The following KCND2 variants were observed in gnomAD, a reference collection of about 807,000 sequenced individuals.
KCND2 encodes potassium voltage-gated channel subfamily D member 2, also known as A-type voltage-gated potassium channel KCND2.
Under a neutral mutation model 54.4 loss-of-function variants are expected in KCND2, and 16 were observed. The observed-to-expected ratio is 0.29, with a 90% CI of 0.20 to 0.45. KCND2 has a LOEUF of 0.45. KCND2 is among the 20% of genes least tolerant of loss of function. The pLI is 1.00. For missense variants in KCND2, 486 were observed against 824.2 expected (o/e 0.59, Z 5.02); for synonymous variants, 317 against 310.7 (o/e 1.02, Z -0.21).
chr7:120,570,599 G>A (rs1259585158), intron 1 of KCND2, among the ~76,000 whole-genome samples: 2 of 151,966 alleles, frequency 1.3e-5, no homozygotes, highest in African/African-American at 4.8e-5. Context: ...CTCTCTCAAT[G>A]GCAATTAATT....
intron 1 of KCND2, among the ~76,000 whole-genome samples, chr7:120,663,805 T>C (rs866641026): frequency 2.0e-5 from 3 of 152,312 alleles, no homozygotes; most frequent in East Asian, 1.9e-4. Flanking sequence ...CCACGATATT[T>C]CCCAACATTC....
At chr7:120,373,039 A>G (rs1004418665) in intron 1 of KCND2, among the ~76,000 whole-genome samples, 10 of 151,844 alleles carry the variant, frequency 6.6e-5, no homozygotes, top group Admixed American at 5.9e-4. Flanking sequence ...GGAAAATGAT[A>G]CCTTTCAGTG....
At chr7:120,602,327 G>A (rs1449374721) in intron 1 of KCND2, among the ~76,000 whole-genome samples, 1 of 152,094 alleles carries the variant, frequency 6.6e-6, no homozygotes, top group Admixed American at 6.5e-5. Flanking sequence ...TTTTCCACAA[G>A]TGCACCACTG....
intron 1 of KCND2, among the ~76,000 whole-genome samples, chr7:120,338,229 G>T (rs772586195): frequency 6.6e-6 from 1 of 152,026 alleles, no homozygotes; most frequent in Non-Finnish European, 1.5e-5. Flanking sequence ...ACTAAAATAT[G>T]AAAAACCTTT....
At chr7:120,419,766 A>C (rs1725675474) in intron 1 of KCND2, among the ~76,000 whole-genome samples, 2 of 152,080 alleles carry the variant, frequency 1.3e-5, no homozygotes, top group African/African-American at 4.8e-5. Flanking sequence ...AAAGATAAAA[A>C]CCAAAAACAC....
At chr7:120,497,417 C>A (rs1238734494) in intron 1 of KCND2, among the ~76,000 whole-genome samples, 2 of 152,154 alleles carry the variant, frequency 1.3e-5, no homozygotes, top group African/African-American at 4.8e-5. Context: ...GAGGTGAGTC[C>A]TTGGAACATT....
At chr7:120,302,113 CTAGT>C in intron 1 of KCND2, among the ~76,000 whole-genome samples, 1 of 152,180 alleles carries the variant, frequency 6.6e-6, no homozygotes, top group East Asian at 1.9e-4. Context: ...AGATCTTTAC[CTAGT>C]TAATTCATCC....
chr7:120,739,131 T>G (rs1219951565), intron 2 of KCND2, among the ~76,000 whole-genome samples: 2 of 151,992 alleles, frequency 1.3e-5, no homozygotes, highest in Admixed American at 6.6e-5. Flanking sequence ...ATATATGTCA[T>G]TTTATTTTGC....
At chr7:120,678,485 A>G (rs1488701261) in intron 1 of KCND2, among the ~76,000 whole-genome samples, 1 of 147,588 alleles carries the variant, frequency 6.8e-6, no homozygotes, top group Admixed American at 6.8e-5. Context: ...ACATACATAC[A>G]CATAAATATA....
At chr7:120,694,033 G>A (rs918896830) in intron 1 of KCND2, among the ~76,000 whole-genome samples, 1 of 152,198 alleles carries the variant, frequency 6.6e-6, no homozygotes, top group African/African-American at 2.4e-5. Context: ...AGTTGAGGCT[G>A]CAGTCAGCTG....
At chr7:120,610,147 G>T (rs1792934731) in intron 1 of KCND2, among the ~76,000 whole-genome samples, 1 of 152,054 alleles carries the variant, frequency 6.6e-6, no homozygotes, top group Non-Finnish European at 1.5e-5. Context: ...TATAGAAGAT[G>T]TCCGATTTTA....
chr7:120,518,084 G>C (rs1803221256), intron 1 of KCND2, among the ~76,000 whole-genome samples: 1 of 152,000 alleles, frequency 6.6e-6, no homozygotes, highest in Admixed American at 6.6e-5. Flanking sequence ...AGGGATCTGT[G>C]GCCATATCTC....
intron 1 of KCND2, among the ~76,000 whole-genome samples, chr7:120,606,045 G>A (rs976843301): frequency 1.3e-5 from 2 of 152,028 alleles, no homozygotes; most frequent in Non-Finnish European, 2.9e-5. Context: ...CATTTCCCCT[G>A]CACACACTCT....
chr7:120,517,567 C>G (rs1189299449), intron 1 of KCND2, among the ~76,000 whole-genome samples: 1 of 152,060 alleles, frequency 6.6e-6, no homozygotes, highest in Non-Finnish European at 1.5e-5. Context: ...ATTAATTGAT[C>G]TGAACCTCTC....
intron 1 of KCND2, among the ~76,000 whole-genome samples, chr7:120,331,553 G>A (rs1800069553): frequency 6.6e-6 from 1 of 151,954 alleles, no homozygotes; most frequent in African/African-American, 2.4e-5. Context: ...ATGTTTGAGG[G>A]AGGTATGAGA....
chr7:120,656,262 C>A (rs1791802353), intron 1 of KCND2, among the ~76,000 whole-genome samples: 2 of 152,010 alleles, frequency 1.3e-5, no homozygotes, highest in Non-Finnish European at 2.9e-5. Flanking sequence ...CTAAGCCAAG[C>A]AAAATTCAGA....
intron 1 of KCND2, among the ~76,000 whole-genome samples, chr7:120,330,013 AT>A (rs1258593349): frequency 6.6e-6 from 1 of 152,040 alleles, no homozygotes; most frequent in Non-Finnish European, 1.5e-5. Context: ...AGTGTTTGTC[AT>A]TTGTTAGTTT....
chr7:120,303,931 G>A (rs1584720890), intron 1 of KCND2, among the ~76,000 whole-genome samples: 1 of 152,146 alleles, frequency 6.6e-6, no homozygotes, highest in Admixed American at 6.6e-5. Flanking sequence ...ATTTAGCCAC[G>A]TGACCAGCAT....
intron 1 of KCND2, among the ~76,000 whole-genome samples, chr7:120,472,459 T>A (rs1456021412): frequency 6.6e-6 from 1 of 152,108 alleles, no homozygotes. Context: ...TAGTAGTGAA[T>A]CTCTGTCATC....
Sources: gnomAD v4.1 joint callset for allele counts (sites outside exome capture counted in the v4.1 genomes callset) on GRCh38, gnomAD v4.1.1 for gene constraint, MANE v1.5 for transcripts, NCBI Gene and HGNC (gene_info 2026-07-23, HGNC 2026-07-21) for gene names.